The following SIPA1L1 variants were observed in gnomAD, a reference collection of about 807,000 sequenced individuals.
SIPA1L1 encodes signal induced proliferation associated 1 like 1, also known as signal-induced proliferation-associated 1-like protein 1.
SIPA1L1 carries 26 observed loss-of-function variants against 162.7 expected under a neutral mutation model. The ratio of observed to expected loss-of-function variants is 0.16; its 90% CI spans 0.12 to 0.22. SIPA1L1 has a LOEUF of 0.22. Ranked by LOEUF, SIPA1L1 falls within the 10% of genes least tolerant of loss-of-function variation. The probability of loss-of-function intolerance (pLI) is 1.00; values close to 1 mark genes in which losing one functional copy is unlikely to be tolerated. For synonymous variants in SIPA1L1, 829 were observed against 837.4 expected (o/e 0.99, Z 0.17); for missense variants, 1,874 against 2,241.0 (o/e 0.84, Z 3.31).
chr14:71,483,723 TG>T lies in SIPA1L1; in HGVS notation c.-464-29019del, dbSNP rs201304740. ...AGCATGTCTAACCATGTCACTCTCC[TG>T]CTGAAAACATTTCCAAGGCTCCTCA... On this transcript the variant is annotated intron_variant, in intron 2 of 23. Coordinates refer to ENST00000381232, the MANE Select transcript of SIPA1L1 (RefSeq NM_001386936.1). Among the ~76,000 whole-genome samples, 547 of 152,328 alleles carry T rather than the reference TG, an allele frequency of 3.6e-3. 3 individuals are homozygous for T. Among genetic ancestry groups the T allele is most frequent in the African/African-American group, 0.013 (522 of 41,568 alleles).
chr14:71,358,045 A>G (rs922721348), intron 2 of SIPA1L1, among the ~76,000 whole-genome samples: 12 of 152,052 alleles, frequency 7.9e-5, no homozygotes, highest in Non-Finnish European at 7.4e-5. Flanking sequence ...GTATTTTTGT[A>G]GAGACGGGTT....
intron 2 of SIPA1L1, among the ~76,000 whole-genome samples, chr14:71,367,607 C>CTTTTT (rs773250069): frequency 8.3e-6 from 1 of 121,072 alleles, no homozygotes; most frequent in African/African-American, 3.2e-5. Flanking sequence ...CGTGCCCGGC[C>CTTTTT]TTTTTTTTTT....
At chr14:71,338,386 T>C (rs898561484) in intron 2 of SIPA1L1, among the ~76,000 whole-genome samples, 4 of 152,130 alleles carry the variant, frequency 2.6e-5, no homozygotes, top group African/African-American at 9.7e-5. Flanking sequence ...TAAATACAGA[T>C]ATTTGAGTAA....
rs527670914 is a variant in SIPA1L1, at chr14:71,510,770, G to A, written c.-464-1973G>A. ...CAGTTAATGTTGGTATGAACCAATCGATGAGACAGTCAAAGTAAAACATCT... is the reference window on the plus strand; with the variant it reads ...CAGTTAATGTTGGTATGAACCAATCAATGAGACAGTCAAAGTAAAACATCT... On this transcript the variant is annotated intron_variant, in intron 2 of 23. Transcript: ENST00000381232. 6.4e-4 allele frequency among the ~76,000 whole-genome samples: 97 copies of A among 152,232 alleles called. 1 individual carries two copies. The highest frequency in any genetic ancestry group is 4.6e-3 in the Admixed American group (71 of 15,288).
At chr14:71,447,753 G>A (rs957712485) in intron 2 of SIPA1L1, among the ~76,000 whole-genome samples, 2 of 151,708 alleles carry the variant, frequency 1.3e-5, no homozygotes, top group Non-Finnish European at 2.9e-5. Flanking sequence ...TTTTTTAGTA[G>A]AGACGGGATT....
chr14:71,459,079 A>AAG (rs2046393467), intron 2 of SIPA1L1, among the ~76,000 whole-genome samples: 1 of 152,008 alleles, frequency 6.6e-6, no homozygotes, highest in African/African-American at 2.4e-5. Context: ...CTGAAAAAAA[A>AAG]AAAAAAAATT....
rs147992527 is a variant in SIPA1L1, at chr14:71,344,513, C to A, written c.-465+23332C>A. Among the ~76,000 whole-genome samples, 7 of 152,226 alleles carry A rather than the reference C, an allele frequency of 4.6e-5. No individual in the cohort carries two copies. The East Asian group carries it at 1.3e-3, about 29-fold the overall frequency. On this transcript the variant is annotated intron_variant, in intron 2 of 23. Coordinates refer to ENST00000381232, the MANE Select transcript of SIPA1L1 (RefSeq NM_001386936.1). The stretch of plus-strand genomic sequence containing the variant: ...GTTGGACCCAGGGCTTCTTACAAGC[C>A]CTCCCAACTTTTCAGGTTTTTAAAA...
intron 4 of SIPA1L1, among the ~76,000 whole-genome samples, chr14:71,557,592 T>A (rs1037879446): frequency 2.0e-5 from 3 of 152,240 alleles, no homozygotes; most frequent in African/African-American, 7.2e-5. Flanking sequence ...TCTGTGGTTC[T>A]GTTACATTTG....
chr14:71,664,503 C>T (rs2043822731), intron 10 of SIPA1L1, among the ~76,000 whole-genome samples: 1 of 152,172 alleles, frequency 6.6e-6, no homozygotes, highest in Non-Finnish European at 1.5e-5. Flanking sequence ...ATAATAATCA[C>T]ACCAGGGTAA....
intron 2 of SIPA1L1, among the ~76,000 whole-genome samples, chr14:71,338,056 C>T (rs1433640711): frequency 6.6e-6 from 1 of 152,206 alleles, no homozygotes; most frequent in Non-Finnish European, 1.5e-5. Context: ...TCTCCCTTTT[C>T]CCTCTGGGCA....
intron 5 of SIPA1L1, among the ~76,000 whole-genome samples, chr14:71,592,958 G>A (rs908321650): frequency 1.3e-5 from 2 of 152,038 alleles, no homozygotes; most frequent in Non-Finnish European, 2.9e-5. Context: ...TTTATATTGA[G>A]AACCAGGATT....
intron 9 of SIPA1L1, among the ~76,000 whole-genome samples, chr14:71,658,821 T>C (rs527332011): frequency 5.9e-5 from 9 of 152,238 alleles, no homozygotes; most frequent in Non-Finnish European, 7.3e-5. Context: ...GTTCTGAGGT[T>C]GCATTATAGA....
intron 4 of SIPA1L1, among the ~76,000 whole-genome samples, chr14:71,564,731 C>T (rs1023524748): frequency 3.9e-5 from 6 of 152,028 alleles, no homozygotes; most frequent in African/African-American, 4.8e-5. Flanking sequence ...CCTTGTGATC[C>T]GCCCGCCTTG....
intron 7 of SIPA1L1, among the ~76,000 whole-genome samples, chr14:71,647,911 T>G (rs569867129): frequency 1.3e-5 from 2 of 151,992 alleles, no homozygotes; most frequent in Non-Finnish European, 2.9e-5. Context: ...TTTTTTCTTA[T>G]GTGTGCTATA....
intron 2 of SIPA1L1, among the ~76,000 whole-genome samples, chr14:71,349,177 A>G (rs1312684866): frequency 1.3e-5 from 2 of 152,254 alleles, no homozygotes; most frequent in African/African-American, 2.4e-5. Flanking sequence ...AATCATGGCC[A>G]TGTAGTAATG....
At chr14:71,697,319 C>T (rs529106352) in intron 13 of SIPA1L1, among the ~76,000 whole-genome samples, 9 of 152,210 alleles carry the variant, frequency 5.9e-5, no homozygotes, top group African/African-American at 2.2e-4. Context: ...GCACCAGGTG[C>T]CTGACACACA....
At chr14:71,560,249 G>A (rs187312428) in intron 4 of SIPA1L1, among the ~76,000 whole-genome samples, 1 of 152,310 alleles carries the variant, frequency 6.6e-6, no homozygotes, top group Admixed American at 6.5e-5. Context: ...AACCTCTCTA[G>A]TAGCATAAGC....
intron 4 of SIPA1L1, among the ~76,000 whole-genome samples, chr14:71,544,149 A>T (rs558924815): frequency 6.6e-6 from 1 of 150,586 alleles, no homozygotes; most frequent in East Asian, 1.9e-4. Flanking sequence ...ACATATATGC[A>T]CGTGTGTGTA....
chr14:71,331,305 C>A (rs2034514142), intron 2 of SIPA1L1, among the ~76,000 whole-genome samples: 2 of 152,106 alleles, frequency 1.3e-5, no homozygotes, highest in South Asian at 4.1e-4. Flanking sequence ...GTAATATGTT[C>A]TGAAATCGGG....
Sources: allele counts gnomAD v4.1 joint callset (sites outside exome capture counted in the v4.1 genomes callset), GRCh38; gene constraint gnomAD v4.1.1; transcripts MANE v1.5; gene names NCBI Gene and HGNC (gene_info 2026-07-23, HGNC 2026-07-21).